Variants in TNFRSF10D observed in about 807,000 individuals in gnomAD.
TNFRSF10D encodes TNF receptor superfamily member 10d.
In TNFRSF10D, 28 loss-of-function variants were observed where a neutral mutation model predicts 42.1. The observed-to-expected ratio is 0.66, with a 90% confidence interval of 0.49 to 0.91. TNFRSF10D has a LOEUF of 0.91. Among genes scored for constraint, TNFRSF10D ranks in the 40% least tolerant of loss-of-function variants. The probability of loss-of-function intolerance (pLI) is 0.00; values close to 1 mark genes in which losing one functional copy is unlikely to be tolerated. For missense variants in TNFRSF10D, 503 were observed against 486.1 expected, an observed-to-expected ratio of 1.03 and a Z score of -0.33; for synonymous variants, 186 against 189.4, an observed-to-expected ratio of 0.98 and a Z score of 0.15.
Position 23,163,831 on chromosome 8 carries a change from G to T in TNFRSF10D, c.105C>A (p.Pro35=). The T allele has an allele frequency of 6.2e-7, 1 of 1,608,898 alleles. No homozygotes were observed. ...ASGTRPWLLD[P]KILKFVVFIV... The stretch of plus-strand genomic sequence containing the variant: ...TGAAGACGACGAACTTAAGGATCTT[G>T]GGGTCCAGGAGCCATGGTCTGGTTC... The change falls in exon 1 of 9, where the codon CCC becomes CCA. Residue 35 remains proline (P), a synonymous_variant. Coordinates refer to ENST00000312584, the MANE Select transcript of TNFRSF10D (RefSeq NM_003840.5).
rs1054284514 is a variant in TNFRSF10D, at chr8:23,135,831, G to T, written c.*2039C>A. The T allele has an allele frequency of 1.6e-5, 7 of 445,152 alleles. No individual in the cohort carries two copies. Among genetic ancestry groups the T allele is most frequent in the Admixed American group, 7.2e-5 (3 of 41,744 alleles). The allele number at this position is 445,152 out of a possible 1,614,324, so 27.6% of individuals were successfully genotyped here. On this transcript the variant is annotated 3_prime_UTR_variant, in exon 9 of 9. Transcript: ENST00000312584. Reference sequence around the variant, plus strand: ...AGGCCTCTGAGGAAGGGACAAAGGAGCTGGGACCGGACTGGCTCTCTCTGA... The same window carrying T: ...AGGCCTCTGAGGAAGGGACAAAGGATCTGGGACCGGACTGGCTCTCTCTGA...
At chr8:23,142,546 C>T (rs765513535) in intron 7 of TNFRSF10D, among the ~76,000 whole-genome samples, 1 of 152,142 alleles carries the variant, frequency 6.6e-6, no homozygotes, top group Non-Finnish European at 1.5e-5. Flanking sequence ...AGCTAAACAT[C>T]AGGTACTTAC....
At chr8:23,149,034 C>CA (rs764423058) in intron 2 of TNFRSF10D, among the ~76,000 whole-genome samples, 75 of 150,674 alleles carry the variant, frequency 5.0e-4, no homozygotes, top group Admixed American at 8.6e-4. Context: ...ACTAAAAATA[C>CA]AAAAAATTAG....
chr8:23,163,646 G>A (rs1301400502), intron 1 of TNFRSF10D, 140 bp downstream of exon 1: 13 of 1,347,726 alleles, frequency 9.6e-6, no homozygotes, highest in Admixed American at 2.7e-5. Context: ...CCCTGACTCC[G>A]ACGGCGGGTT....
intron 3 of TNFRSF10D, among the ~76,000 whole-genome samples, chr8:23,147,718 G>A (rs944604128): frequency 6.6e-6 from 1 of 152,090 alleles, no homozygotes; most frequent in African/African-American, 2.4e-5. Context: ...CCTGAGGTCG[G>A]GAGTTCGAGA....
chr8:23,163,640 G>A (rs1448166597), intron 1 of TNFRSF10D, 146 bp downstream of exon 1: 1 of 1,309,702 alleles, frequency 7.6e-7, no homozygotes, highest in Admixed American at 2.7e-5. Context: ...CTCTTCCCCT[G>A]ACTCCGACGG....
chr8:23,155,675 G>A (rs1585264614), intron 1 of TNFRSF10D, among the ~76,000 whole-genome samples: 1 of 151,666 alleles, frequency 6.6e-6, no homozygotes, highest in Admixed American at 6.6e-5. Context: ...ACTCCAGCCT[G>A]GGCGAAAGAG....
At chr8:23,149,100 G>T (rs998353744) in intron 2 of TNFRSF10D, among the ~76,000 whole-genome samples, 2 of 140,390 alleles carry the variant, frequency 1.4e-5, no homozygotes, top group African/African-American at 5.3e-5. Flanking sequence ...TGAGGCAGGA[G>T]AATGGCGTGA....
chr8:23,146,270 T>G (rs1432722904), intron 4 of TNFRSF10D, among the ~76,000 whole-genome samples: 1 of 152,190 alleles, frequency 6.6e-6, no homozygotes, highest in Admixed American at 6.5e-5. Context: ...CTGAGCCCCT[T>G]CCTCCAGTTA....
intron 7 of TNFRSF10D, among the ~76,000 whole-genome samples, chr8:23,141,269 A>G (rs1800008221): frequency 6.6e-6 from 1 of 152,138 alleles, no homozygotes. Context: ...CTTTGAGAGG[A>G]CGAGGCAGGC....
chr8:23,157,447 G>A (rs572018092), intron 1 of TNFRSF10D, among the ~76,000 whole-genome samples: 13 of 152,094 alleles, frequency 8.5e-5, no homozygotes, highest in South Asian at 8.3e-4. Context: ...AGGTCATATC[G>A]CGTGTTTTAT....
At chr8:23,140,002 G>A (rs1488086299) in intron 7 of TNFRSF10D, among the ~76,000 whole-genome samples, 1 of 151,702 alleles carries the variant, frequency 6.6e-6, no homozygotes, top group Non-Finnish European at 1.5e-5. Flanking sequence ...AAAATTAACG[G>A]GGCGTAGCTG....
chr8:23,156,192 A>G (rs1800277821), intron 1 of TNFRSF10D, among the ~76,000 whole-genome samples: 1 of 152,212 alleles, frequency 6.6e-6, no homozygotes, highest in Admixed American at 6.5e-5. Flanking sequence ...GCTATTTTTC[A>G]AATTTTTTTT....
At position 23,155,699 on chromosome 8, in the gene TNFRSF10D, C is replaced by CA. The variant is rs909777397; in HGVS notation, c.151-721dup. Among the ~76,000 whole-genome samples the CA allele has an allele frequency of 4.0e-3, 529 of 131,922 alleles. 4 individuals carry two copies. Among genetic ancestry groups the CA allele is most frequent in the African/African-American group, 0.011 (386 of 35,510 alleles). The allele number at this position is 131,922 out of a possible 152,430, so 86.5% of individuals were successfully genotyped here. ...TGGGCGAAAGAGCGAGACTCTGTCT[C>CA]AAAAAAAAAAACAAAAAACAAAAAA... is the stretch of plus-strand genomic sequence containing the variant. On this transcript the variant is annotated intron_variant, in intron 1 of 8. Coordinates refer to ENST00000312584, the MANE Select transcript of TNFRSF10D (RefSeq NM_003840.5).
chr8:23,150,236 T>C (rs1800197184), intron 2 of TNFRSF10D, among the ~76,000 whole-genome samples: 1 of 152,124 alleles, frequency 6.6e-6, no homozygotes, highest in Admixed American at 6.5e-5. Flanking sequence ...ATGAGACCCA[T>C]CACAGCACCT....
chr8:23,147,922 G>A lies in TNFRSF10D; in HGVS notation c.370+516C>T, dbSNP rs1322031487. Among the ~76,000 whole-genome samples the A allele has an allele frequency of 7.9e-5, 12 of 151,902 alleles. 1 individual carries two copies. Among genetic ancestry groups the A allele is most frequent in the African/African-American group, 1.2e-4 (5 of 41,352 alleles). ...CTAAAAATACAAAAAAAAATTAGCC[G>A]GGTGTGGTGGCGGGCACCTGTAGTC... On this transcript the variant is annotated intron_variant, in intron 3 of 8. Coordinates refer to ENST00000312584, the MANE Select transcript of TNFRSF10D (RefSeq NM_003840.5).
chr8:23,158,560 T>C (rs1189883374), intron 1 of TNFRSF10D, among the ~76,000 whole-genome samples: 2 of 152,126 alleles, frequency 1.3e-5, no homozygotes. Flanking sequence ...TTACAGGGAG[T>C]GCAATAATTG....
At chr8:23,145,993 C>T (rs1003645935) in intron 4 of TNFRSF10D, 72 bp from the exon 5 acceptor site, 1 of 1,602,498 alleles carries the variant, frequency 6.2e-7, no homozygotes, top group Admixed American at 1.7e-5. Flanking sequence ...AGAGGAGCCA[C>T]CCTCCCTGCC....
rs1254810410 is a variant in TNFRSF10D, at chr8:23,162,472, ACT to A, written c.150+1312_150+1313del. ...TACTTCGTTGAAAGAAAACATGGAG[ACT>A]CTCATGGTTCATGTAATCTTGTTTT... On this transcript the variant is annotated intron_variant, in intron 1 of 8. Transcript: ENST00000312584. Among the ~76,000 whole-genome samples the A allele has an allele frequency of 1.3e-4, 19 of 151,748 alleles. No individual in the cohort carries two copies. The East Asian group carries it at 3.3e-3, about 26-fold the overall frequency.
Sources: gnomAD v4.1 joint callset for allele counts (sites outside exome capture counted in the v4.1 genomes callset) on GRCh38, gnomAD v4.1.1 for gene constraint, MANE v1.5 for transcripts, NCBI Gene and HGNC (gene_info 2026-07-23, HGNC 2026-07-21) for gene names.